Variants in ERBB4 observed in about 807,000 individuals in gnomAD.
The protein encoded by ERBB4 is erb-b2 receptor tyrosine kinase 4.
A neutral mutation model predicts 158.0 loss-of-function variants in ERBB4; 42 were observed. That is an observed-to-expected ratio of 0.27 (90% CI 0.21 to 0.34). ERBB4 has a LOEUF of 0.34. Among genes scored for constraint, ERBB4 ranks in the 10% least tolerant of loss-of-function variants. ERBB4 has a pLI of 1.00. For synonymous variants in ERBB4, 583 were observed against 558.7 expected, an observed-to-expected ratio of 1.04 and a Z score of -0.61; for missense variants, 1,333 against 1,624.1, an observed-to-expected ratio of 0.82 and a Z score of 3.08.
intron 1 of ERBB4, among the ~76,000 whole-genome samples, chr2:212,264,996 C>T (rs2085077749): frequency 6.6e-6 from 1 of 152,032 alleles, no homozygotes; most frequent in African/African-American, 2.4e-5. Context: ...CTCTATTCTT[C>T]CCCTGGAAAA....
At chr2:211,722,324 C>T (rs1023979103) in intron 7 of ERBB4, 69 bp downstream of exon 7, 4 of 1,270,820 alleles carry the variant, frequency 3.1e-6, no homozygotes, top group African/African-American at 3.0e-5. Context: ...TTAAAATAAA[C>T]TTACATAAAA....
chr2:211,574,710 T>C (rs955571581), intron 19 of ERBB4, among the ~76,000 whole-genome samples: 5 of 152,230 alleles, frequency 3.3e-5, no homozygotes, highest in African/African-American at 1.2e-4. Flanking sequence ...CTGTAGATAC[T>C]ACCACTAGGG....
intron 13 of ERBB4, among the ~76,000 whole-genome samples, chr2:211,675,614 G>A (rs184947318): frequency 6.6e-6 from 1 of 151,500 alleles, no homozygotes; most frequent in Non-Finnish European, 1.5e-5. Context: ...GAGCATTGTA[G>A]TTAAGAGTTG....
chr2:212,174,582 C>T (rs1034095172), intron 1 of ERBB4, among the ~76,000 whole-genome samples: 2 of 152,050 alleles, frequency 1.3e-5, no homozygotes, highest in Non-Finnish European at 2.9e-5. Flanking sequence ...GCTACTCATT[C>T]TACTTGATTA....
chr2:211,418,866 A>T (rs2063452374), intron 25 of ERBB4, among the ~76,000 whole-genome samples: 1 of 151,980 alleles, frequency 6.6e-6, no homozygotes, highest in Non-Finnish European at 1.5e-5. Context: ...CCATTGATCT[A>T]ATTTTTAAAA....
intron 2 of ERBB4, among the ~76,000 whole-genome samples, chr2:212,003,099 C>CAGAA (rs1161309914): frequency 9.2e-5 from 5 of 54,440 alleles, no homozygotes; most frequent in Non-Finnish European, 1.3e-4. Context: ...GAGACAGAGA[C>CAGAA]AGAAAGAAAG....
intron 19 of ERBB4, among the ~76,000 whole-genome samples, chr2:211,578,316 G>A (rs532417208): frequency 1.3e-4 from 20 of 152,194 alleles, no homozygotes; most frequent in African/African-American, 3.9e-4. Context: ...ACACAAACAA[G>A]TGGAAACATA....
At chr2:212,109,247 G>T (rs1446876864) in intron 2 of ERBB4, among the ~76,000 whole-genome samples, 1 of 152,116 alleles carries the variant, frequency 6.6e-6, no homozygotes, top group Non-Finnish European at 1.5e-5. Flanking sequence ...AAGAGTTCCG[G>T]TCCATTTTCC....
chr2:211,756,923 G>T (rs2075299378), intron 4 of ERBB4, among the ~76,000 whole-genome samples: 1 of 152,106 alleles, frequency 6.6e-6, no homozygotes, highest in Admixed American at 6.6e-5. Context: ...TCTTTGATTT[G>T]TGGACACATT....
intron 3 of ERBB4, among the ~76,000 whole-genome samples, chr2:211,875,054 A>AAAAAAAAT: frequency 7.2e-6 from 1 of 138,820 alleles, no homozygotes; most frequent in Middle Eastern, 3.5e-3. Context: ...AAAAAAACAA[A>AAAAAAAAT]CTCAAATAAA....
intron 1 of ERBB4, among the ~76,000 whole-genome samples, chr2:212,181,418 C>T (rs1262999973): frequency 2.0e-5 from 3 of 151,604 alleles, no homozygotes; most frequent in East Asian, 1.9e-4. Flanking sequence ...AATTAAATAA[C>T]ATACAGTATT....
intron 1 of ERBB4, among the ~76,000 whole-genome samples, chr2:212,350,198 T>A (rs1319255851): frequency 6.6e-6 from 1 of 152,164 alleles, no homozygotes; most frequent in Admixed American, 6.6e-5. Context: ...CATGTTTTGA[T>A]TAATTATGTG....
At chr2:212,019,631 C>T (rs1436309576) in intron 2 of ERBB4, among the ~76,000 whole-genome samples, 4 of 151,518 alleles carry the variant, frequency 2.6e-5, no homozygotes, top group Admixed American at 6.6e-5. Context: ...GGCATGGTGG[C>T]GGGCGCCTGT....
chr2:212,066,750 C>A (rs1050281198), intron 2 of ERBB4, among the ~76,000 whole-genome samples: 1 of 151,860 alleles, frequency 6.6e-6, no homozygotes, highest in East Asian at 1.9e-4. Flanking sequence ...TAATCTAACG[C>A]GTTTCTAAAA....
chr2:212,515,412 G>A (rs1017305783), intron 1 of ERBB4, among the ~76,000 whole-genome samples: 5 of 151,856 alleles, frequency 3.3e-5, no homozygotes, highest in Non-Finnish European at 7.4e-5. Flanking sequence ...CCTTTTCAGT[G>A]TTAAATTTAA....
chr2:212,205,759 TAGAG>T (rs1011736252), intron 1 of ERBB4, among the ~76,000 whole-genome samples: 53 of 152,258 alleles, frequency 3.5e-4, no homozygotes, highest in South Asian at 6.2e-4. Flanking sequence ...AGGTAAATCA[TAGAG>T]AGAAAATTTG....
At chr2:211,600,592 T>C (rs577840197) in intron 19 of ERBB4, among the ~76,000 whole-genome samples, 1 of 152,290 alleles carries the variant, frequency 6.6e-6, no homozygotes, top group South Asian at 2.1e-4. Context: ...TATTAAACTC[T>C]GTAAATATCT....
intron 3 of ERBB4, among the ~76,000 whole-genome samples, chr2:211,928,970 T>TTTTAG (rs2080094565): frequency 6.6e-6 from 1 of 152,158 alleles, no homozygotes; most frequent in Non-Finnish European, 1.5e-5. Flanking sequence ...TTTTAATTAC[T>TTTTAG]CCCATTTAGT....
intron 1 of ERBB4, among the ~76,000 whole-genome samples, chr2:212,260,070 G>GAAAAA (rs750606432): frequency 1.6e-4 from 9 of 56,596 alleles, no homozygotes; most frequent in Admixed American, 3.8e-4. Context: ...CTCTGTCTCA[G>GAAAAA]AAAAAAAAAA....
Sources: allele counts gnomAD v4.1 joint callset (sites outside exome capture counted in the v4.1 genomes callset), GRCh38; gene constraint gnomAD v4.1.1; transcripts MANE v1.5; gene names NCBI Gene and HGNC (gene_info 2026-07-23, HGNC 2026-07-21).